Variants in KCNJ15 observed in about 807,000 individuals in gnomAD.
KCNJ15 encodes the protein ATP-sensitive inward rectifier potassium channel 15.
In KCNJ15, 14 loss-of-function variants were observed where a neutral mutation model predicts 23.0. That is an observed-to-expected ratio of 0.61 (90% confidence interval 0.40 to 0.95). The LOEUF (loss-of-function observed/expected upper bound fraction) is 0.95, where lower values mean the gene tolerates loss of function less well. KCNJ15 is among the 40% of genes least tolerant of loss of function. KCNJ15 has a pLI of 0.00. For synonymous variants in KCNJ15, 185 were observed against 183.2 expected (o/e 1.01, Z -0.08); for missense variants, 388 against 461.8 (o/e 0.84, Z 1.46).
intron 1 of KCNJ15, among the ~76,000 whole-genome samples, chr21:38,247,105 GATGGATGGATGGATGGATGGATGC>G (rs1568984847): frequency 1.7e-4 from 15 of 88,346 alleles, no homozygotes; most frequent in African/African-American, 5.3e-4. Flanking sequence ...TGGATGCATG[GATGGATGGATGGATGGATGGATGC>G]ATGGATGGAT....
chr21:38,260,183 G>GAA (rs36017859), intron 1 of KCNJ15, among the ~76,000 whole-genome samples: 1 of 151,860 alleles, frequency 6.6e-6, no homozygotes, highest in African/African-American at 2.4e-5. Flanking sequence ...TGAAATGAAA[G>GAA]AAAAAAATGA....
At position 38,304,467 on chromosome 21, in the gene KCNJ15, T is replaced by C. The variant is rs1985973889; in HGVS notation, c.*4078T>C. 6.6e-6 allele frequency: 1 copy of C among 151,758 alleles called. No homozygotes were observed. Among genetic ancestry groups the C allele is most frequent in the South Asian group, 2.1e-4 (1 of 4,812 alleles). 9.4% of individuals were successfully genotyped at this position (151,758 alleles called of 1,614,324 possible). On this transcript the variant is annotated 3_prime_UTR_variant, in exon 3 of 3. Coordinates refer to ENST00000398938, the MANE Select transcript of KCNJ15 (RefSeq NM_170736.3). Reference sequence around the variant, plus strand: ...TTTTTTAAGCGAAAGGTACTAACATTTCCAGTCTTGATTTCCAAGTTTTGT... The same window carrying C: ...TTTTTTAAGCGAAAGGTACTAACATCTCCAGTCTTGATTTCCAAGTTTTGT...
chr21:38,252,700 A>G (rs1186773734), upstream of KCNJ15, among the ~76,000 whole-genome samples: 1 of 152,148 alleles, frequency 6.6e-6, no homozygotes, highest in African/African-American at 2.4e-5. Flanking sequence ...GTGGAGGAGG[A>G]TGGGAATATT....
intron 1 of KCNJ15, among the ~76,000 whole-genome samples, chr21:38,275,374 A>G (rs1982560583): frequency 6.6e-6 from 1 of 152,030 alleles, no homozygotes; most frequent in Non-Finnish European, 1.5e-5. Flanking sequence ...TACTAACTTC[A>G]GATACCCCAG....
intron 1 of KCNJ15, among the ~76,000 whole-genome samples, chr21:38,230,279 A>G (rs1988696342): frequency 6.6e-6 from 1 of 152,152 alleles, no homozygotes; most frequent in African/African-American, 2.4e-5. Context: ...TAGTGGCTAA[A>G]GATGTTGAAC....
At chr21:38,231,980 A>G (rs1416056473) in intron 1 of KCNJ15, among the ~76,000 whole-genome samples, 3 of 151,858 alleles carry the variant, frequency 2.0e-5, no homozygotes, top group Non-Finnish European at 4.4e-5. Context: ...AAAATGAGCT[A>G]GGAATTGTTT....
At chr21:38,247,871 C>T (rs1979556399) in intron 1 of KCNJ15, among the ~76,000 whole-genome samples, 1 of 152,208 alleles carries the variant, frequency 6.6e-6, no homozygotes, top group Non-Finnish European at 1.5e-5. Context: ...TCACCCCACT[C>T]ACTGCAATCT....
At chr21:38,276,212 T>G (rs532302327) in intron 1 of KCNJ15, among the ~76,000 whole-genome samples, 1 of 152,126 alleles carries the variant, frequency 6.6e-6, no homozygotes, top group South Asian at 2.1e-4. Flanking sequence ...GCTAAGATCA[T>G]GCATCTCTCA....
In KCNJ15 at chr21:38,286,097, G is replaced by T. The variant is rs1983864291; in HGVS notation, c.-116-10829G>T. Among the ~76,000 whole-genome samples the T allele has an allele frequency of 2.0e-5, 3 of 152,124 alleles. 1 individual carries two copies. The South Asian group carries it at 6.2e-4, about 32-fold the overall frequency. On this transcript the variant is annotated intron_variant, in intron 1 of 2. Transcript: ENST00000398938. The stretch of plus-strand genomic sequence containing the variant: ...TCTCTACTAAAAATACAAAATATTA[G>T]CTGGGCGTGGTGGCGGGTGCCTGTA...
chr21:38,255,585 G>A (rs1392683770), upstream of KCNJ15, among the ~76,000 whole-genome samples: 4 of 152,166 alleles, frequency 2.6e-5, no homozygotes, highest in Non-Finnish European at 5.9e-5. Context: ...GAGCAAAAGA[G>A]AAGGAGACTG....
chr21:38,235,564 A>C (rs1034774910), intron 1 of KCNJ15, among the ~76,000 whole-genome samples: 2 of 152,204 alleles, frequency 1.3e-5, no homozygotes, highest in South Asian at 4.1e-4. Context: ...AAGCAAAAAA[A>C]CAAACAAAAA....
intron 1 of KCNJ15, chr21:38,272,350 G>C (rs925157159): frequency 6.6e-6 from 1 of 152,312 alleles, no homozygotes; most frequent in Non-Finnish European, 1.5e-5. Context: ...CGGTGGGACC[G>C]AGGCTCTGCC....
chr21:38,263,728 A>G (rs1291032344), intron 1 of KCNJ15, among the ~76,000 whole-genome samples: 2 of 151,846 alleles, frequency 1.3e-5, no homozygotes, highest in African/African-American at 4.8e-5. Flanking sequence ...TCCAGGCTCC[A>G]TTTAGGTGTA....
chr21:38,281,016 G>A (rs1983278754), intron 1 of KCNJ15, among the ~76,000 whole-genome samples: 1 of 152,174 alleles, frequency 6.6e-6, no homozygotes, highest in African/African-American at 2.4e-5. Context: ...GCTATGCAGA[G>A]TGTGAGCTTT....
At chr21:38,241,296 G>C (rs1352674642) in intron 1 of KCNJ15, among the ~76,000 whole-genome samples, 1 of 131,380 alleles carries the variant, frequency 7.6e-6, no homozygotes, top group African/African-American at 2.7e-5. Context: ...GTTTCTCCAA[G>C]TGCAAAACAT....
chr21:38,262,155 C>T (rs921725604), intron 1 of KCNJ15, among the ~76,000 whole-genome samples: 2 of 152,146 alleles, frequency 1.3e-5, no homozygotes, highest in Non-Finnish European at 2.9e-5. Flanking sequence ...TCTATTCCAA[C>T]CTTTAAAGGA....
intron 1 of KCNJ15, among the ~76,000 whole-genome samples, chr21:38,234,163 T>G (rs1250157224): frequency 2.0e-5 from 3 of 152,200 alleles, no homozygotes; most frequent in Non-Finnish European, 4.4e-5. Context: ...GAGTGAAAGG[T>G]CTACACCAAG....
intron 1 of KCNJ15, chr21:38,291,670 A>G (rs1053244206): frequency 1.3e-5 from 2 of 152,188 alleles, no homozygotes; most frequent in African/African-American, 4.8e-5. Flanking sequence ...GTCTAACAGC[A>G]TCGGGGATAT....
chr21:38,303,646 C>T lies in KCNJ15; in HGVS notation c.*3257C>T, dbSNP rs1601271115. The T allele has an allele frequency of 6.6e-6, 1 of 151,820 alleles. No individual in the cohort carries two copies. Among genetic ancestry groups the T allele is most frequent in the Non-Finnish European group, 1.5e-5 (1 of 67,984 alleles). The allele number at this position is 151,820 out of a possible 1,614,324, so 9.4% of individuals were successfully genotyped here. Reference sequence around the variant, plus strand: ...GAGCTGGTTTAAGGTGAAAAAAATGCCATGAATGAATGAACCAGATGTTTA... The same window carrying T: ...GAGCTGGTTTAAGGTGAAAAAAATGTCATGAATGAATGAACCAGATGTTTA... On this transcript the variant is annotated 3_prime_UTR_variant, in exon 3 of 3. Transcript: ENST00000398938.
Sources: gnomAD v4.1 joint callset for allele counts (sites outside exome capture counted in the v4.1 genomes callset) on GRCh38, gnomAD v4.1.1 for gene constraint, MANE v1.5 for transcripts, NCBI Gene and HGNC (gene_info 2026-07-23, HGNC 2026-07-21) for gene names.